The following GRM3 variants were observed in gnomAD, a reference collection of about 807,000 sequenced individuals.
GRM3 encodes the protein glutamate metabotropic receptor 3, also known as metabotropic glutamate receptor 3.
GRM3 carries 26 observed loss-of-function variants against 70.5 expected under a neutral mutation model. The observed-to-expected ratio is 0.37, with a 90% CI of 0.27 to 0.51. GRM3 has a LOEUF of 0.51. Ranked by LOEUF, GRM3 falls within the 20% of genes least tolerant of loss-of-function variation. The probability of loss-of-function intolerance (pLI) is 0.93; values close to 1 mark genes in which losing one functional copy is unlikely to be tolerated. For synonymous variants in GRM3, 443 were observed against 434.9 expected (o/e 1.02, Z -0.23); for missense variants, 859 against 1,123.8 (o/e 0.76, Z 3.37).
chr7:86,667,621 G>T (rs1794059986), intron 1 of GRM3, among the ~76,000 whole-genome samples: 1 of 152,140 alleles, frequency 6.6e-6, no homozygotes, highest in African/African-American at 2.4e-5. Context: ...GGGATGGACA[G>T]CAAAGGTAAA....
chr7:86,682,110 G>A (rs947129560), intron 1 of GRM3, among the ~76,000 whole-genome samples: 9 of 152,202 alleles, frequency 5.9e-5, no homozygotes, highest in African/African-American at 1.7e-4. Flanking sequence ...CATTTGCAAA[G>A]CAGAGAGAAA....
intron 1 of GRM3, among the ~76,000 whole-genome samples, chr7:86,668,384 A>C (rs1226003540): frequency 6.6e-6 from 1 of 152,074 alleles, no homozygotes; most frequent in Non-Finnish European, 1.5e-5. Context: ...GCTACTAGGG[A>C]AATAATTCTT....
At chr7:86,833,036 T>A (rs1798384783) in intron 3 of GRM3, 1 of 983,014 alleles carries the variant, frequency 1.0e-6, no homozygotes, top group Admixed American at 6.1e-5. Context: ...GTTTCTTTCA[T>A]GCTGTTGCAA....
At chr7:86,694,615 A>AG (rs1173871880) in intron 1 of GRM3, among the ~76,000 whole-genome samples, 1 of 151,918 alleles carries the variant, frequency 6.6e-6, no homozygotes, top group African/African-American at 2.4e-5. Flanking sequence ...TACAAGTTTG[A>AG]GGGAAAAAAA....
intron 3 of GRM3, among the ~76,000 whole-genome samples, chr7:86,838,293 GTTTAA>G (rs1462097191): frequency 2.0e-5 from 3 of 152,112 alleles, no homozygotes; most frequent in African/African-American, 7.2e-5. Flanking sequence ...ATGATAGGTA[GTTTAA>G]TTTTTTTCTT....
chr7:86,786,797 C>T lies in GRM3; in HGVS notation c.1005C>T (p.Arg335=), dbSNP rs1383264571. ...LASQPVRQFD[R]YFQSLNPYNN... Reference sequence around the variant, plus strand: ...CCCAGCCTGTCCGCCAGTTCGACCGCTACTTCCAGAGCCTCAACCCCTACA... The same window carrying T: ...CCCAGCCTGTCCGCCAGTTCGACCGTTACTTCCAGAGCCTCAACCCCTACA... Residue 335 remains arginine, a synonymous_variant, in exon 3 of 6, where the codon CGC becomes CGT. Coordinates refer to ENST00000361669, the MANE Select transcript of GRM3 (RefSeq NM_000840.3). The surrounding 1 kb of genome is among the most constrained non-coding windows in gnomAD (Gnocchi z 6.0). 3.1e-6 allele frequency: 5 copies of T among 1,614,220 alleles called. No individual in the cohort carries two copies. The highest frequency in any genetic ancestry group is 4.5e-5 in the East Asian group (2 of 44,880).
At chr7:86,787,788 G>A (rs1168448798) in intron 3 of GRM3, among the ~76,000 whole-genome samples, 1 of 152,192 alleles carries the variant, frequency 6.6e-6, no homozygotes, top group Non-Finnish European at 1.5e-5. Flanking sequence ...AATTCATTCT[G>A]ATACAGTAGT....
chr7:86,780,409 G>A lies in GRM3; in HGVS notation c.469-5852G>A, dbSNP rs1584237118. ...ACATAATCATATCTGGCCAAGTCCA[G>A]CATTTCTTCTTGAGCAAAATTAATC... On this transcript the variant is annotated intron_variant, in intron 2 of 5. Coordinates refer to ENST00000361669, the MANE Select transcript of GRM3 (RefSeq NM_000840.3). Among the ~76,000 whole-genome samples the A allele has an allele frequency of 2.0e-5, 3 of 152,138 alleles. No homozygotes were observed. In the East Asian group the frequency reaches 5.8e-4, roughly 29 times the overall value.
At chr7:86,800,670 C>A (rs1166230184) in intron 3 of GRM3, among the ~76,000 whole-genome samples, 1 of 152,096 alleles carries the variant, frequency 6.6e-6, no homozygotes, top group African/African-American at 2.4e-5. Context: ...TAAAGAAAGA[C>A]TAGAACTAGA....
intron 1 of GRM3, among the ~76,000 whole-genome samples, chr7:86,756,704 C>T (rs1374807788): frequency 1.3e-5 from 2 of 152,018 alleles, no homozygotes; most frequent in South Asian, 2.1e-4. Flanking sequence ...ATTTATCCTG[C>T]TTGAGAATTG....
chr7:86,806,091 T>C (rs1797785573), intron 3 of GRM3, among the ~76,000 whole-genome samples: 1 of 152,202 alleles, frequency 6.6e-6, no homozygotes. Flanking sequence ...TCCTTTTTTA[T>C]GGCTACATAG....
intron 1 of GRM3, among the ~76,000 whole-genome samples, chr7:86,714,704 T>C (rs1338229251): frequency 1.3e-5 from 2 of 152,104 alleles, no homozygotes; most frequent in East Asian, 3.9e-4. Flanking sequence ...CCCAAAGTGC[T>C]CCCAAACTCC....
At chr7:86,756,305 C>T (rs1796342740) in intron 1 of GRM3, among the ~76,000 whole-genome samples, 1 of 152,132 alleles carries the variant, frequency 6.6e-6, no homozygotes, top group South Asian at 2.1e-4. Context: ...TCTCGAACTC[C>T]TGACCTCAAG....
intron 1 of GRM3, among the ~76,000 whole-genome samples, chr7:86,716,518 T>C (rs1795319662): frequency 6.6e-6 from 1 of 151,792 alleles, no homozygotes; most frequent in African/African-American, 2.4e-5. Flanking sequence ...GAGGTCAAGA[T>C]ATCCTAATAT....
chr7:86,852,187 C>T (rs1584280215), intron 5 of GRM3, among the ~76,000 whole-genome samples: 2 of 152,138 alleles, frequency 1.3e-5, no homozygotes, highest in South Asian at 4.1e-4. Flanking sequence ...GGAAAGTTCT[C>T]ATGGCCAGGC....
chr7:86,741,865 T>C (rs924566554), intron 1 of GRM3, among the ~76,000 whole-genome samples: 1 of 152,254 alleles, frequency 6.6e-6, no homozygotes, highest in Non-Finnish European at 1.5e-5. Context: ...AGAGAATATA[T>C]GGTTTTTAGC....
chr7:86,686,438 A>G (rs1202076540), intron 1 of GRM3, among the ~76,000 whole-genome samples: 1 of 152,240 alleles, frequency 6.6e-6, no homozygotes, highest in Non-Finnish European at 1.5e-5. Flanking sequence ...CCAAAAAAGG[A>G]AACAATATAA....
intron 1 of GRM3, among the ~76,000 whole-genome samples, chr7:86,662,602 GTATA>G (rs1793920868): frequency 6.6e-6 from 1 of 151,848 alleles, no homozygotes; most frequent in African/African-American, 2.4e-5. Flanking sequence ...TCTAAGGTCT[GTATA>G]TTTATAAGAG....
chr7:86,737,009 C>A (rs1795877052), intron 1 of GRM3, among the ~76,000 whole-genome samples: 1 of 151,594 alleles, frequency 6.6e-6, no homozygotes. Flanking sequence ...CATCACCAGT[C>A]CTAGGGGCCA....
Sources: allele counts gnomAD v4.1 joint callset (sites outside exome capture counted in the v4.1 genomes callset), GRCh38; gene constraint gnomAD v4.1.1; non-coding constraint Gnocchi (gnomAD v3.1); transcripts MANE v1.5; gene names NCBI Gene and HGNC (gene_info 2026-07-23, HGNC 2026-07-21).